Variants in MYPN observed in about 807,000 individuals in gnomAD.
The protein encoded by MYPN is myopalladin, also known as sarcomeric protein myopalladin, 145 kDa (MYOP).
A neutral mutation model predicts 129.4 loss-of-function variants in MYPN; 63 were observed. The observed-to-expected ratio is 0.49, with a 90% CI of 0.40 to 0.60. The LOEUF (loss-of-function observed/expected upper bound fraction) is 0.60. Among genes scored for constraint, MYPN ranks in the 20% least tolerant of loss-of-function variants. The probability of loss-of-function intolerance (pLI) is 0.00; values close to 1 mark genes in which losing one functional copy is unlikely to be tolerated. For missense variants in MYPN, 1,596 were observed against 1,635.4 expected, an observed-to-expected ratio of 0.98 and a Z score of 0.42; for synonymous variants, 629 against 600.9, an observed-to-expected ratio of 1.05 and a Z score of -0.68.
Position 68,196,163 on chromosome 10 carries a change from T to C in MYPN, c.3158+631T>C, listed in dbSNP as rs552158546. Among the ~76,000 whole-genome samples, 15 of 152,364 alleles carry C rather than the reference T, an allele frequency of 9.8e-5. No individual in the cohort carries two copies. The South Asian group carries it at 3.1e-3, about 32-fold the overall frequency. On this transcript the variant is annotated intron_variant, in intron 15 of 19. Transcript: ENST00000358913. The stretch of plus-strand genomic sequence containing the variant: ...ATCAGTAGCACCTGCACACATAATA[T>C]GTAAATCAGACCCATTGAAGTAAGT...
intron 2 of MYPN, among the ~76,000 whole-genome samples, chr10:68,124,975 A>G (rs1264094139): frequency 6.6e-6 from 1 of 152,194 alleles, no homozygotes; most frequent in Non-Finnish European, 1.5e-5. Flanking sequence ...TGAGCACTCC[A>G]GTTGTGATAT....
At chr10:68,202,842 T>C (rs1386992612) in intron 18 of MYPN, among the ~76,000 whole-genome samples, 2 of 151,198 alleles carry the variant, frequency 1.3e-5, no homozygotes, top group African/African-American at 4.8e-5. Flanking sequence ...ACATCTAAAA[T>C]ATGTGTGTGT....
chr10:68,125,213 C>T (rs2042306983), intron 2 of MYPN, among the ~76,000 whole-genome samples: 1 of 152,118 alleles, frequency 6.6e-6, no homozygotes, highest in African/African-American at 2.4e-5. Flanking sequence ...AATCAGCCAA[C>T]TAAAAATTTG....
At chr10:68,174,769 T>G (rs2043200974) in intron 11 of MYPN, 113 bp downstream of exon 11, 2 of 967,346 alleles carry the variant, frequency 2.1e-6, no homozygotes, top group Non-Finnish European at 3.2e-6. Context: ...GATAATCTTA[T>G]TCTCTTAGGC....
At position 68,166,464 on chromosome 10, in the gene MYPN, A is replaced by G. The variant is rs767800921; in HGVS notation, c.1771A>G (p.Ser591Gly). ...GGTGAACCACAATGAGCCCCGGTCC[A>G]GCTCCAGGATTGGGCTTCGTGTGCA... is the stretch of plus-strand genomic sequence containing the variant. ...VLVNHNEPRS[S>G]SRIGLRVHFN... Residue 591 changes from serine (S) to glycine (G), a missense_variant, in exon 10 of 20, where the codon AGC (serine) becomes GGC (glycine). Coordinates refer to ENST00000358913, the MANE Select transcript of MYPN (RefSeq NM_032578.4). 13 of 1,614,168 alleles carry G rather than the reference A, an allele frequency of 8.1e-6. No homozygotes were observed. In the East Asian group the frequency reaches 2.5e-4, roughly 30 times the overall value.
chr10:68,163,489 C>G (rs544596641), intron 8 of MYPN, among the ~76,000 whole-genome samples: 1 of 151,768 alleles, frequency 6.6e-6, no homozygotes, highest in African/African-American at 2.4e-5. Context: ...ATTAGCCCGG[C>G]GTGGTGGCGG....
intron 7 of MYPN, among the ~76,000 whole-genome samples, chr10:68,159,688 A>T (rs3956957): frequency 0.44 from 61,511 of 141,286 alleles, 14,276 homozygotes; most frequent in Non-Finnish European, 0.54. Context: ...TATGTAGAGC[A>T]ATCATATGAT....
chr10:68,150,096 T>C lies in MYPN; in HGVS notation c.1302T>C (p.Ala434=). 2 of 1,613,604 alleles carry C rather than the reference T, an allele frequency of 1.2e-6. No individual in the cohort carries two copies. Among genetic ancestry groups the C allele is most frequent in the Non-Finnish European group, 1.7e-6 (2 of 1,179,578 alleles). ...QGLDGKPIIA[A]PVFTKMLQNL... is the part of the protein sequence containing the mutation. ...TGGATGGAAAACCTATCATTGCAGC[T>C]CCTGTGTTTACAAAGGTAATAAAAA... The change falls in exon 6 of 20, where the codon GCT becomes GCC. Residue 434 remains alanine, a synonymous_variant. Coordinates refer to ENST00000358913, the MANE Select transcript of MYPN (RefSeq NM_032578.4).
chr10:68,131,160 G>A (rs753526202), intron 2 of MYPN, among the ~76,000 whole-genome samples: 4 of 152,040 alleles, frequency 2.6e-5, no homozygotes, highest in East Asian at 3.9e-4. Context: ...AGGCCAAGGC[G>A]GGCAGATCAC....
chr10:68,141,719 C>T (rs1002367665), intron 2 of MYPN, among the ~76,000 whole-genome samples: 24 of 152,246 alleles, frequency 1.6e-4, no homozygotes, highest in African/African-American at 5.5e-4. Flanking sequence ...TTATTTCTTG[C>T]CCCCTTGTAA....
At chr10:68,172,018 T>G (rs143139037) in intron 10 of MYPN, among the ~76,000 whole-genome samples, 1,772 of 152,326 alleles carry the variant, frequency 0.012, 20 homozygotes, top group Middle Eastern at 0.048. Flanking sequence ...TCTTTTATAT[T>G]CCTTATAATG....
chr10:68,136,117 T>C, intron 2 of MYPN: 2 of 485,176 alleles, frequency 4.1e-6, no homozygotes, highest in Non-Finnish European at 2.7e-6. Flanking sequence ...TTAGAATAAA[T>C]AGTAACCTCA....
chr10:68,183,429 T>A (rs1176731811), intron 12 of MYPN, among the ~76,000 whole-genome samples: 3 of 152,006 alleles, frequency 2.0e-5, no homozygotes, highest in East Asian at 1.9e-4. Context: ...ACCGCTGCAC[T>A]CCAGCCTGGG....
intron 2 of MYPN, among the ~76,000 whole-genome samples, chr10:68,140,506 G>T (rs1403606767): frequency 2.0e-5 from 3 of 146,416 alleles, no homozygotes; most frequent in East Asian, 2.0e-4. Context: ...CATAGTATAG[G>T]TTTTTTTTTT....
At chr10:68,196,509 G>GCA (rs2043609668) in intron 15 of MYPN, among the ~76,000 whole-genome samples, 1 of 120,606 alleles carries the variant, frequency 8.3e-6, no homozygotes, top group Non-Finnish European at 1.8e-5. Flanking sequence ...TTGAGATGGG[G>GCA]GTCTCACTCT....
intron 5 of MYPN, among the ~76,000 whole-genome samples, chr10:68,149,227 TC>T (rs1321311910): frequency 6.6e-6 from 1 of 151,782 alleles, no homozygotes; most frequent in African/African-American, 2.4e-5. Context: ...GTCCTCCCAC[TC>T]CCCCCCGAAA....
chr10:68,130,672 G>C (rs2042396297), intron 2 of MYPN, among the ~76,000 whole-genome samples: 1 of 151,560 alleles, frequency 6.6e-6, no homozygotes, highest in Non-Finnish European at 1.5e-5. Flanking sequence ...GTTGGTTTTT[G>C]TAGTTCGCAT....
Position 68,181,642 on chromosome 10 carries a change from A to C in MYPN, c.2703+6181A>C, listed in dbSNP as rs145766672. On this transcript the variant is annotated intron_variant, in intron 12 of 19. Transcript: ENST00000358913. ...CTTGATCTTGAAAGGACCTAAGCTGATGCCACATTGACTTTGTTTTGTCTG... is the reference window on the plus strand; with the variant it reads ...CTTGATCTTGAAAGGACCTAAGCTGCTGCCACATTGACTTTGTTTTGTCTG... 6.0e-4 allele frequency among the ~76,000 whole-genome samples: 91 copies of C among 152,190 alleles called. 1 individual carries two copies. The highest frequency in any genetic ancestry group is 2.1e-3 in the African/African-American group (89 of 41,534).
rs572541523 is a variant in MYPN at position 68,202,673 on chromosome 10, G to T, written c.3659+679G>T. On this transcript the variant is annotated intron_variant, in intron 18 of 19. Coordinates refer to ENST00000358913, the MANE Select transcript of MYPN (RefSeq NM_032578.4). Reference sequence around the variant, plus strand: ...TGCTTAATCTTCCCTAACCAACTTAGGGAAATGGCAATTTCTTTGCCATTT... The same window carrying T: ...TGCTTAATCTTCCCTAACCAACTTATGGAAATGGCAATTTCTTTGCCATTT... Among the ~76,000 whole-genome samples the T allele has an allele frequency of 2.6e-5, 4 of 152,246 alleles. No individual in the cohort carries two copies. In the South Asian group the frequency reaches 8.3e-4, roughly 32 times the overall value.
Sources: allele counts gnomAD v4.1 joint callset (sites outside exome capture counted in the v4.1 genomes callset), GRCh38; gene constraint gnomAD v4.1.1; transcripts MANE v1.5; gene names NCBI Gene and HGNC (gene_info 2026-07-23, HGNC 2026-07-21).